CHP1: variants seen among roughly 807,000 people sequenced by gnomAD.
CHP1 encodes the protein calcineurin like EF-hand protein 1.
Under a neutral mutation model 27.4 loss-of-function variants are expected in CHP1, and 11 were observed. That is an observed-to-expected ratio of 0.40 (90% CI 0.25 to 0.67). The LOEUF is 0.67. Ranked by LOEUF, CHP1 falls within the 30% of genes least tolerant of loss-of-function variation. CHP1 has a pLI of 0.38. For missense variants in CHP1, 169 were observed against 251.3 expected (o/e 0.67, Z 2.22); for synonymous variants, 89 against 87.4 (o/e 1.02, Z -0.10).
chr15:41,262,762 C>A lies in CHP1; in HGVS notation c.228C>A (p.Asp76Glu). ...IINAFFPEGEDQVNFRGFMRT... is the reference protein window; with the variant it reads ...IINAFFPEGEEQVNFRGFMRT... ...TGTTATATTTCACAATCAGAGAGGA[C>A]CAGGTAAACTTCCGTGGATTCATGC... Residue 76 changes from aspartate to glutamate, a missense_variant, in exon 4 of 7, where the codon GAC becomes GAA. Transcript: ENST00000334660. 1.2e-6 allele frequency: 2 copies of A among 1,612,532 alleles called. No individual in the cohort carries two copies. The highest frequency in any genetic ancestry group is 1.7e-6 in the Non-Finnish European group (2 of 1,179,882).
At position 41,260,652 on chromosome 15, in the gene CHP1, C is replaced by T. The variant is rs929621906; in HGVS notation, c.222-2104C>T. ...TCAGGTGATCCACCCACCTTGGCCT[C>T]TTGAAGTGCTGGGATTATAGACGTG... On this transcript the variant is annotated intron_variant, in intron 3 of 6. Coordinates refer to ENST00000334660, the MANE Select transcript of CHP1 (RefSeq NM_007236.5). 2.9e-4 allele frequency among the ~76,000 whole-genome samples: 44 copies of T among 152,072 alleles called. 1 individual carries two copies. The highest frequency in any genetic ancestry group is 6.6e-5 in the Admixed American group (1 of 15,250).
intron 3 of CHP1, among the ~76,000 whole-genome samples, chr15:41,260,517 C>G (rs2047427574): frequency 6.6e-6 from 1 of 151,126 alleles, no homozygotes. Flanking sequence ...GCCTCAGGCT[C>G]TCAAGTAGCT....
At chr15:41,236,656 G>A (rs189312156) in intron 1 of CHP1, among the ~76,000 whole-genome samples, 83 of 152,212 alleles carry the variant, frequency 5.5e-4, no homozygotes, top group African/African-American at 2.0e-3. Context: ...CAGCAGCTGC[G>A]AAGATATAAG....
intron 4 of CHP1, among the ~76,000 whole-genome samples, chr15:41,268,971 C>A (rs1232548191): frequency 2.0e-5 from 3 of 151,666 alleles, no homozygotes; most frequent in Admixed American, 6.6e-5. Flanking sequence ...ACAACAACAA[C>A]AAAAAACAAT....
intron 6 of CHP1, among the ~76,000 whole-genome samples, 197 bp from the exon 7 acceptor site, chr15:41,279,139 A>C (rs1303211037): frequency 6.6e-6 from 1 of 151,342 alleles, no homozygotes. Flanking sequence ...TGAACCCAGG[A>C]GGCCAAGGTT....
chr15:41,278,530 G>A (rs2047530736), intron 5 of CHP1, among the ~76,000 whole-genome samples: 1 of 152,038 alleles, frequency 6.6e-6, no homozygotes, highest in Non-Finnish European at 1.5e-5. Flanking sequence ...GTAGGCCCCA[G>A]TGTCTGTGGT....
chr15:41,273,321 C>T (rs1328862149), intron 5 of CHP1, among the ~76,000 whole-genome samples: 1 of 152,138 alleles, frequency 6.6e-6, no homozygotes, highest in African/African-American at 2.4e-5. Context: ...ACTGAGTGGT[C>T]TTTTCCATAG....
intron 3 of CHP1, 70 bp from the exon 4 acceptor site, chr15:41,262,686 G>A: frequency 6.3e-7 from 1 of 1,583,378 alleles, no homozygotes; most frequent in Non-Finnish European, 8.6e-7. Context: ...GCTGTTGCCA[G>A]TATATTTAAT....
At chr15:41,275,392 T>C (rs2047514551) in intron 5 of CHP1, among the ~76,000 whole-genome samples, 1 of 152,144 alleles carries the variant, frequency 6.6e-6, no homozygotes, top group Non-Finnish European at 1.5e-5. Context: ...TGATCTCAGA[T>C]GATCTGCCTA....
chr15:41,271,393 A>C (rs1187386985), intron 5 of CHP1, among the ~76,000 whole-genome samples: 1 of 152,096 alleles, frequency 6.6e-6, no homozygotes, highest in African/African-American at 2.4e-5. Flanking sequence ...GTGCCACTGC[A>C]CTCCAGCCTG....
chr15:41,260,461 C>G (rs1369264913), intron 3 of CHP1, among the ~76,000 whole-genome samples: 1 of 147,232 alleles, frequency 6.8e-6, no homozygotes, highest in East Asian at 2.0e-4. Flanking sequence ...GTGGTGCAGT[C>G]TCGACTCATT....
intron 5 of CHP1, among the ~76,000 whole-genome samples, chr15:41,273,625 C>T (rs2047502794): frequency 6.6e-6 from 1 of 151,662 alleles, no homozygotes; most frequent in Non-Finnish European, 1.5e-5. Flanking sequence ...AGGTGATCCA[C>T]CTGCCTCGGC....
chr15:41,250,980 G>A (rs560112552), intron 2 of CHP1, among the ~76,000 whole-genome samples: 3 of 151,990 alleles, frequency 2.0e-5, no homozygotes, highest in African/African-American at 4.8e-5. Context: ...AATTATAGGC[G>A]TGCACTACCA....
intron 1 of CHP1, among the ~76,000 whole-genome samples, chr15:41,243,091 G>A (rs1467535101): frequency 6.6e-6 from 1 of 152,200 alleles, no homozygotes; most frequent in Admixed American, 6.6e-5. Context: ...TATAATCCCA[G>A]CAGTTTGGGA....
chr15:41,257,650 C>G (rs1161355139), intron 3 of CHP1, among the ~76,000 whole-genome samples: 1 of 151,988 alleles, frequency 6.6e-6, no homozygotes, highest in Admixed American at 6.6e-5. Flanking sequence ...ACCTCTGCCT[C>G]CCGGGTTCAA....
intron 6 of CHP1, among the ~76,000 whole-genome samples, 192 bp downstream of exon 6, chr15:41,279,081 C>G (rs1280555815): frequency 1.3e-5 from 2 of 151,836 alleles, no homozygotes; most frequent in African/African-American, 2.4e-5. Flanking sequence ...CGTGGTGGCG[C>G]GTGCCTGTAA....
chr15:41,257,121 A>C, intron 3 of CHP1, 131 bp downstream of exon 3: 1 of 648,648 alleles, frequency 1.5e-6, no homozygotes. Context: ...AGCAATTCTA[A>C]TTTTGTCATT....
In CHP1 at chr15:41,278,937, G is replaced by A. The variant is rs113749314; in HGVS notation, c.534+48G>A. On this transcript the variant is annotated intron_variant, in intron 6 of 6. Transcript: ENST00000334660. ...GAAAAAGTTACGTTTTAGTGGCTGG[G>A]CGCGGTGGCTTACGCCTGTAATCCC... 3.8e-4 allele frequency: 616 copies of A among 1,610,508 alleles called. 4 individuals carry two copies. In the African/African-American group the frequency reaches 7.4e-3, roughly 19 times the overall value.
At chr15:41,268,665 G>C (rs1004264498) in intron 4 of CHP1, among the ~76,000 whole-genome samples, 1 of 146,050 alleles carries the variant, frequency 6.8e-6, no homozygotes, top group Non-Finnish European at 1.5e-5. Context: ...ATTCAGGCCA[G>C]GCGCGATGGC....
Sources: gnomAD v4.1 joint callset for allele counts (sites outside exome capture counted in the v4.1 genomes callset) on GRCh38, gnomAD v4.1.1 for gene constraint, MANE v1.5 for transcripts, NCBI Gene and HGNC (gene_info 2026-07-23, HGNC 2026-07-21) for gene names.